DOCK9: variants seen among roughly 807,000 people sequenced by gnomAD.
DOCK9 encodes dedicator of cytokinesis 9, also known as dedicator of cytokinesis protein 9.
Under a neutral mutation model 263.3 loss-of-function variants are expected in DOCK9, and 89 were observed. That is an observed-to-expected ratio of 0.34 (90% CI 0.28 to 0.40). The LOEUF (loss-of-function observed/expected upper bound fraction) is 0.40. DOCK9 is among the 10% of genes least tolerant of loss of function. The pLI, the probability that DOCK9 is intolerant of heterozygous loss-of-function variation, is 1.00. For missense variants in DOCK9, 2,140 were observed against 2,603.4 expected (o/e 0.82, Z 3.87); for synonymous variants, 976 against 973.1 (o/e 1.00, Z -0.06).
intron 1 of DOCK9, among the ~76,000 whole-genome samples, chr13:99,073,786 T>C (rs1357684363): frequency 6.6e-6 from 1 of 152,262 alleles, no homozygotes; most frequent in Non-Finnish European, 1.5e-5. Context: ...ATTAAAACCC[T>C]GTTCGGGCAG....
chr13:98,898,547 T>C (rs1446363671), intron 13 of DOCK9, among the ~76,000 whole-genome samples: 4 of 152,218 alleles, frequency 2.6e-5, no homozygotes, highest in Non-Finnish European at 4.4e-5. Context: ...TTTCAGAGGT[T>C]TTCATACATC....
chr13:99,019,433 C>T (rs919414964), intron 1 of DOCK9, among the ~76,000 whole-genome samples: 1 of 152,084 alleles, frequency 6.6e-6, no homozygotes, highest in African/African-American at 2.4e-5. Context: ...TGCTTTGAAG[C>T]CTCATTCCTC....
chr13:98,930,080 T>C (rs2053658967), intron 3 of DOCK9, 88 bp downstream of exon 3: 3 of 1,220,442 alleles, frequency 2.5e-6, no homozygotes, highest in Non-Finnish European at 3.5e-6. Flanking sequence ...CTTTTGACAC[T>C]TCCTTGACAA....
chr13:99,024,470 T>G (rs75222320), intron 1 of DOCK9, among the ~76,000 whole-genome samples: 18 of 152,270 alleles, frequency 1.2e-4, no homozygotes, highest in Admixed American at 1.2e-3. Context: ...AAATGCACCC[T>G]TGAAACTGTT....
intron 1 of DOCK9, among the ~76,000 whole-genome samples, chr13:99,045,282 T>C (rs948075453): frequency 7.2e-5 from 11 of 152,096 alleles, no homozygotes; most frequent in African/African-American, 2.7e-4. Context: ...GATAAATGGA[T>C]AAATAAAATA....
chr13:98,897,866 A>G (rs2047667223), intron 14 of DOCK9, among the ~76,000 whole-genome samples: 1 of 152,208 alleles, frequency 6.6e-6, no homozygotes, highest in Admixed American at 6.5e-5. Flanking sequence ...AAGTAGAGTC[A>G]AGAGATAAAG....
chr13:98,815,077 C>T (rs74617989), intron 45 of DOCK9, among the ~76,000 whole-genome samples: 1,903 of 152,136 alleles, frequency 0.013, 22 homozygotes, highest in Admixed American at 0.031. Flanking sequence ...ATCTATTGGA[C>T]GAGTGAATCA....
At chr13:98,914,575 T>C (rs1398933162) in intron 8 of DOCK9, among the ~76,000 whole-genome samples, 180 bp from the exon 9 acceptor site, 1 of 152,144 alleles carries the variant, frequency 6.6e-6, no homozygotes, top group Non-Finnish European at 1.5e-5. Context: ...GGCTCAGTGA[T>C]GAAAGTCAAA....
intron 1 of DOCK9, among the ~76,000 whole-genome samples, chr13:99,043,494 G>A (rs1394551167): frequency 6.6e-6 from 1 of 152,142 alleles, no homozygotes; most frequent in African/African-American, 2.4e-5. Flanking sequence ...CATATCCTGG[G>A]AAGTCAGCCC....
intron 18 of DOCK9, among the ~76,000 whole-genome samples, chr13:98,886,863 C>T (rs1422418560): frequency 1.3e-5 from 2 of 152,068 alleles, no homozygotes; most frequent in African/African-American, 2.4e-5. Flanking sequence ...TGATGCCTTG[C>T]TCACTGTTCC....
At chr13:98,940,693 C>G (rs1007496955) in intron 2 of DOCK9, among the ~76,000 whole-genome samples, 14 of 94,106 alleles carry the variant, frequency 1.5e-4, no homozygotes, top group Non-Finnish European at 3.6e-4. Flanking sequence ...CTCTGCCTCT[C>G]TAACTGCTCC....
At chr13:98,894,288 T>C (rs1241388565) in intron 15 of DOCK9, among the ~76,000 whole-genome samples, 1 of 152,194 alleles carries the variant, frequency 6.6e-6, no homozygotes, top group Non-Finnish European at 1.5e-5. Flanking sequence ...TGTTAGTTTT[T>C]TAAAAGTTCA....
Position 98,902,477 on chromosome 13 carries a change from A to G in DOCK9, c.1191T>C (p.Phe397=), listed in dbSNP as rs2048441017. The part of the protein sequence containing the change: ...EGPTTNVEPF[F]VTLSLFDIKY... Reference sequence around the variant, plus strand: ...TTATGTCAAACAGGGATAGAGTAACAAAGAAAGGTTCAACCTGAACAAAAC... The same window carrying G: ...TTATGTCAAACAGGGATAGAGTAACGAAGAAAGGTTCAACCTGAACAAAAC... The change falls in exon 12 of 53, where the codon TTT becomes TTC. Residue 397 remains phenylalanine, a synonymous_variant. Transcript: ENST00000682017. 2.4e-5 allele frequency: 38 copies of G among 1,613,784 alleles called. No individual in the cohort carries two copies. The highest frequency in any genetic ancestry group is 3.1e-5 in the Non-Finnish European group (37 of 1,179,848).
chr13:98,805,541 A>T (rs1206174011), intron 48 of DOCK9, among the ~76,000 whole-genome samples: 1 of 152,196 alleles, frequency 6.6e-6, no homozygotes, highest in Non-Finnish European at 1.5e-5. Flanking sequence ...TATAACCGCA[A>T]TACATTATCA....
At chr13:98,831,299 G>A in intron 41 of DOCK9, 49 bp downstream of exon 41, 2 of 1,527,958 alleles carry the variant, frequency 1.3e-6, no homozygotes, top group Non-Finnish European at 1.8e-6. Context: ...TCCTGATACA[G>A]CAGGATTCTA....
At chr13:98,975,640 T>C (rs2060198392) in intron 1 of DOCK9, among the ~76,000 whole-genome samples, 1 of 152,232 alleles carries the variant, frequency 6.6e-6, no homozygotes, top group African/African-American at 2.4e-5. Context: ...TTTCTTGTTT[T>C]TCCTACTTCT....
In DOCK9 at chr13:98,829,376, C is replaced by A. The variant is rs759695289; in HGVS notation, c.4896G>T (p.Thr1632=). 3.7e-6 allele frequency: 6 copies of A among 1,613,596 alleles called. No homozygotes were observed. In the South Asian group the frequency reaches 6.6e-5, roughly 18 times the overall value. Residue 1632 remains threonine (T), a synonymous_variant, in exon 43 of 53, where the codon ACG becomes ACT. Coordinates refer to ENST00000682017, the MANE Select transcript of DOCK9 (RefSeq NM_001366683.2). This position sits in a 1 kb window ranked among gnomAD's most constrained non-coding sequence, Gnocchi z 4.1. ...CGAGCCACGTCTTCCTGAGCTCGGG[C>A]GTGCTGGCATAGGATTTGGCCAGGC... is the stretch of plus-strand genomic sequence containing the variant. The part of the protein sequence containing the change: ...QYSLAKSYAS[T]PELRKTWLDS...
chr13:98,882,314 T>C (rs2044914333), intron 23 of DOCK9, among the ~76,000 whole-genome samples: 1 of 152,026 alleles, frequency 6.6e-6, no homozygotes, highest in Admixed American at 6.6e-5. Context: ...CAGAGGGAGC[T>C]GGGACAGAGG....
chr13:98,931,704 T>G (rs1273062447), intron 2 of DOCK9, among the ~76,000 whole-genome samples: 2 of 152,150 alleles, frequency 1.3e-5, no homozygotes, highest in Non-Finnish European at 2.9e-5. Flanking sequence ...TTCAAGTGAT[T>G]GTCATGCTTC....
Sources: allele counts gnomAD v4.1 joint callset (sites outside exome capture counted in the v4.1 genomes callset), GRCh38; gene constraint gnomAD v4.1.1; non-coding constraint Gnocchi (gnomAD v3.1); transcripts MANE v1.5; gene names NCBI Gene and HGNC (gene_info 2026-07-23, HGNC 2026-07-21).